The following CHN2 variants were observed in gnomAD, a reference collection of about 807,000 sequenced individuals.
CHN2 encodes beta-chimaerin.
CHN2 carries 35 observed loss-of-function variants against 56.3 expected under a neutral mutation model. The ratio of observed to expected loss-of-function variants is 0.62; its 90% CI spans 0.47 to 0.82. The LOEUF is 0.82. Ranked by LOEUF, CHN2 falls within the 40% of genes least tolerant of loss-of-function variation. CHN2 has a pLI of 0.00. For missense variants in CHN2, 491 were observed against 580.5 expected (o/e 0.85, Z 1.58); for synonymous variants, 210 against 212.8 (o/e 0.99, Z 0.12).
At chr7:29,386,222 T>G (rs1449673597) in intron 3 of CHN2, among the ~76,000 whole-genome samples, 1 of 152,190 alleles carries the variant, frequency 6.6e-6, no homozygotes, top group Non-Finnish European at 1.5e-5. Context: ...AGTACTTGCA[T>G]TTTCTTTCTC....
chr7:29,340,703 A>C (rs1432487223), intron 1 of CHN2, among the ~76,000 whole-genome samples: 4 of 152,218 alleles, frequency 2.6e-5, no homozygotes, highest in Non-Finnish European at 5.9e-5. Flanking sequence ...AGAGGACAGG[A>C]GTTCACCTAC....
At chr7:29,210,715 G>A (rs567863823) in intron 1 of CHN2, among the ~76,000 whole-genome samples, 1 of 152,064 alleles carries the variant, frequency 6.6e-6, no homozygotes, top group Non-Finnish European at 1.5e-5. Context: ...AGGAAATGCT[G>A]GGGGTAAGGG....
At chr7:29,498,606 A>G (rs775742686) in intron 8 of CHN2, among the ~76,000 whole-genome samples, 18 of 152,160 alleles carry the variant, frequency 1.2e-4, no homozygotes, top group Non-Finnish European at 1.9e-4. Context: ...GATGACTACA[A>G]TATTCCTTAT....
At chr7:29,409,802 G>T (rs774405560) in intron 6 of CHN2, among the ~76,000 whole-genome samples, 2 of 152,160 alleles carry the variant, frequency 1.3e-5, no homozygotes, top group Non-Finnish European at 2.9e-5. Flanking sequence ...AACATTGGTG[G>T]GCCACAGTTT....
intron 6 of CHN2, among the ~76,000 whole-genome samples, chr7:29,420,816 C>T (rs1479818394): frequency 6.8e-6 from 1 of 146,412 alleles, no homozygotes. Context: ...TCTTTTCTTT[C>T]TTTTTTTTTT....
intron 7 of CHN2, among the ~76,000 whole-genome samples, chr7:29,492,749 TCTTA>T (rs1180067144): frequency 6.6e-6 from 1 of 152,140 alleles, no homozygotes; most frequent in Non-Finnish European, 1.5e-5. Flanking sequence ...TTCAGTTGAG[TCTTA>T]CTTCTACCCT....
chr7:29,407,374 G>A (rs1452150953), intron 6 of CHN2, among the ~76,000 whole-genome samples: 1 of 151,878 alleles, frequency 6.6e-6, no homozygotes, highest in Admixed American at 6.6e-5. Context: ...ACTTCATTCA[G>A]GACAGTAGAT....
chr7:29,350,784 C>T (rs909601311), intron 1 of CHN2, among the ~76,000 whole-genome samples: 6 of 152,126 alleles, frequency 3.9e-5, no homozygotes, highest in African/African-American at 1.4e-4. Context: ...CGGACGTTGT[C>T]CCAAGAATTT....
intron 1 of CHN2, among the ~76,000 whole-genome samples, chr7:29,327,136 A>T (rs911922539): frequency 6.6e-6 from 1 of 152,182 alleles, no homozygotes; most frequent in Admixed American, 6.5e-5. Flanking sequence ...GGGAAGCACC[A>T]GTGTGGAGAT....
At chr7:29,356,481 A>G (rs1798326740) in intron 2 of CHN2, among the ~76,000 whole-genome samples, 1 of 152,176 alleles carries the variant, frequency 6.6e-6, no homozygotes, top group African/African-American at 2.4e-5. Context: ...CTCCTTTCCC[A>G]GTAGCTGAGC....
intron 1 of CHN2, among the ~76,000 whole-genome samples, chr7:29,295,326 C>T (rs1478579449): frequency 6.6e-6 from 1 of 151,594 alleles, no homozygotes; most frequent in Non-Finnish European, 1.5e-5. Context: ...CACACACACA[C>T]ACACACACAC....
intron 6 of CHN2, among the ~76,000 whole-genome samples, chr7:29,430,792 A>C (rs1455834306): frequency 1.2e-5 from 1 of 83,952 alleles, no homozygotes; most frequent in African/African-American, 9.1e-5. Context: ...ATGATAGCAA[A>C]AAAAAAAAAA....
At chr7:29,192,260 C>T (rs1782980953), upstream of CHN2, 1 of 152,194 alleles carries the variant, frequency 6.6e-6, no homozygotes, top group Non-Finnish European at 1.5e-5. Context: ...AGCACAGGGC[C>T]TTCAGGTGGT....
At chr7:29,285,573 A>G (rs1417346227) in intron 1 of CHN2, among the ~76,000 whole-genome samples, 1 of 152,186 alleles carries the variant, frequency 6.6e-6, no homozygotes, top group Non-Finnish European at 1.5e-5. Context: ...CGCAACCACA[A>G]TGCAGTGCTG....
intron 7 of CHN2, among the ~76,000 whole-genome samples, chr7:29,487,638 C>T (rs1364316952): frequency 6.6e-6 from 1 of 152,132 alleles, no homozygotes; most frequent in South Asian, 2.1e-4. Flanking sequence ...TTCTCCCTCT[C>T]TTCCTCCTTC....
At chr7:29,175,423 G>A (rs184482212) in intron 2 of CHN2, among the ~76,000 whole-genome samples, 15 of 152,118 alleles carry the variant, frequency 9.9e-5, no homozygotes, top group Admixed American at 7.2e-4. Context: ...TTTTCTGCCC[G>A]CCTCGGCCTC....
intron 1 of CHN2, among the ~76,000 whole-genome samples, chr7:29,306,257 C>T (rs780998542): frequency 1.3e-5 from 2 of 152,084 alleles, no homozygotes; most frequent in Non-Finnish European, 2.9e-5. Flanking sequence ...CATTCTATTG[C>T]CTTATCAGTT....
chr7:29,495,923 C>G, intron 7 of CHN2, 29 bp from the exon 8 acceptor site: 1 of 1,600,086 alleles, frequency 6.2e-7, no homozygotes. Flanking sequence ...TCTGAGCTTT[C>G]TGACATTTTT....
intron 1 of CHN2, among the ~76,000 whole-genome samples, chr7:29,269,689 G>A (rs1382777706): frequency 6.6e-6 from 1 of 152,192 alleles, no homozygotes; most frequent in Non-Finnish European, 1.5e-5. Context: ...AGGAACTTTA[G>A]CATTTTAATC....
Sources: gnomAD v4.1 joint callset for allele counts (sites outside exome capture counted in the v4.1 genomes callset) on GRCh38, gnomAD v4.1.1 for gene constraint, MANE v1.5 for transcripts, NCBI Gene and HGNC (gene_info 2026-07-23, HGNC 2026-07-21) for gene names.